TDRD9: variants seen among roughly 807,000 people sequenced by gnomAD.
TDRD9 encodes the protein ATP-dependent RNA helicase TDRD9.
TDRD9 carries 124 observed loss-of-function variants against 172.6 expected under a neutral mutation model. That is an observed-to-expected ratio of 0.72 (90% CI 0.62 to 0.83). The LOEUF (loss-of-function observed/expected upper bound fraction) is 0.83. Ranked by LOEUF, TDRD9 falls within the 40% of genes least tolerant of loss-of-function variation. The probability of loss-of-function intolerance (pLI) is 0.00; values close to 1 mark genes in which losing one functional copy is unlikely to be tolerated. For missense variants in TDRD9, 1,479 were observed against 1,714.1 expected (o/e 0.86, Z 2.42); for synonymous variants, 619 against 617.1 (o/e 1.00, Z -0.05).
intron 9 of TDRD9, 110 bp from the exon 10 acceptor site, chr14:103,994,222 A>G: frequency 1.1e-6 from 1 of 915,470 alleles, no homozygotes; most frequent in Non-Finnish European, 1.8e-6. Context: ...AAGAAGTCAA[A>G]TAAATTGGTA....
chr14:103,982,857 C>T (rs141012914), intron 7 of TDRD9, among the ~76,000 whole-genome samples: 2,508 of 152,184 alleles, frequency 0.016, 71 homozygotes, highest in African/African-American at 0.057. Flanking sequence ...GCCAAGATCA[C>T]GCCCTTGCAC....
chr14:104,019,426 A>C (rs1462487198), intron 23 of TDRD9, among the ~76,000 whole-genome samples: 2 of 152,124 alleles, frequency 1.3e-5, no homozygotes, highest in Non-Finnish European at 2.9e-5. Flanking sequence ...GCAGTGGCAC[A>C]ATCTCGGCTC....
intron 31 of TDRD9, 124 bp downstream of exon 31, chr14:104,034,193 C>CTT: frequency 6.3e-6 from 1 of 158,098 alleles, no homozygotes; most frequent in African/African-American, 3.3e-5. Flanking sequence ...CTTTTTTTTT[C>CTT]TTTTTTTTTT....
rs563201417 is a variant in TDRD9, at chr14:103,935,463, G to A, written c.215+6739G>A. Among the ~76,000 whole-genome samples, 19 of 152,320 alleles carry A rather than the reference G, an allele frequency of 1.2e-4. No homozygotes were observed. The East Asian group carries it at 3.3e-3, about 26-fold the overall frequency. On this transcript the variant is annotated intron_variant, in intron 1 of 35. Transcript: ENST00000409874. ...GGTGTTGCCTTCAGGTAAGGAAGGC[G>A]AGACTGCACGAGGAATTAGTTTGTG...
chr14:104,038,143 C>T (rs933642030), intron 32 of TDRD9, among the ~76,000 whole-genome samples: 2 of 152,118 alleles, frequency 1.3e-5, no homozygotes, highest in Non-Finnish European at 2.9e-5. Context: ...GAGGCTAAGT[C>T]ACGTGTTGAG....
At chr14:103,963,565 G>T (rs28574832) in intron 3 of TDRD9, among the ~76,000 whole-genome samples, 51,528 of 152,016 alleles carry the variant, frequency 0.34, 8,918 homozygotes, top group Middle Eastern at 0.37. Flanking sequence ...CATTTCCACT[G>T]GGTTTTCTTT....
intron 1 of TDRD9, among the ~76,000 whole-genome samples, chr14:103,951,841 A>G (rs1425070089): frequency 6.6e-6 from 1 of 150,660 alleles, no homozygotes; most frequent in Non-Finnish European, 1.5e-5. Context: ...ATCTCGGCTC[A>G]CTGCAAGCTC....
intron 7 of TDRD9, among the ~76,000 whole-genome samples, chr14:103,985,747 C>T (rs532556832): frequency 3.4e-4 from 51 of 152,220 alleles, no homozygotes; most frequent in South Asian, 8.3e-4. Flanking sequence ...ACGGATGTGA[C>T]GTTACAGTTT....
At chr14:104,004,438 T>TG in intron 14 of TDRD9, 103 bp downstream of exon 14, 3 of 599,392 alleles carry the variant, frequency 5.0e-6, no homozygotes, top group Non-Finnish European at 8.7e-6. Context: ...TGGAGTGCAC[T>TG]GGCATGATCT....
chr14:104,023,840 A>G (rs553367270), intron 24 of TDRD9, among the ~76,000 whole-genome samples: 109 of 152,248 alleles, frequency 7.2e-4, no homozygotes, highest in African/African-American at 2.6e-3. Flanking sequence ...CTTCATGTAG[A>G]GAAGGCCTGT....
Position 104,052,024 on chromosome 14 carries a change from G to C in TDRD9, c.4091G>C (p.Ser1364Thr). Residue 1364 changes from serine (S) to threonine (T), a missense_variant, in exon 36 of 36, where the codon AGC becomes ACC. This residue lies in a region of TDRD9 where 1,413 missense variants were observed against 1,649.1 expected (regional missense o/e 0.86). Transcript: ENST00000409874. ...ATGGAGCAGGCCGACCGTGAGAGCA[G>C]CAGAGGGAAGAACACCTTTCTCTAC... is the stretch of plus-strand genomic sequence containing the variant. The part of the protein sequence containing the change: ...LVMEQADRES[S>T]RGKNTFLYQL... 1 of 1,596,964 alleles carries C rather than the reference G, an allele frequency of 6.3e-7. No homozygotes were observed. The highest frequency in any genetic ancestry group is 1.1e-5 in the South Asian group (1 of 87,558).
intron 13 of TDRD9, 145 bp from the exon 14 acceptor site, chr14:104,004,092 TA>T: frequency 4.4e-6 from 2 of 453,642 alleles, no homozygotes; most frequent in Non-Finnish European, 8.1e-6. Context: ...TACACTAATG[TA>T]TTCTAAAGTT....
At chr14:103,993,763 T>C (rs1056350481) in intron 9 of TDRD9, among the ~76,000 whole-genome samples, 2 of 152,222 alleles carry the variant, frequency 1.3e-5, no homozygotes, top group South Asian at 2.1e-4. Flanking sequence ...TCTTAACTAA[T>C]TACATCTGCA....
chr14:104,027,163 G>A (rs1043045627), intron 28 of TDRD9, among the ~76,000 whole-genome samples: 1 of 152,080 alleles, frequency 6.6e-6, no homozygotes, highest in Non-Finnish European at 1.5e-5. Flanking sequence ...GGTGAGTATT[G>A]TATTTGTTTG....
Position 103,970,631 on chromosome 14 carries a change from A to G in TDRD9, c.846+10A>G. The G allele has an allele frequency of 1.3e-6, 2 of 1,525,622 alleles. No individual in the cohort carries two copies. The highest frequency in any genetic ancestry group is 1.8e-6 in the Non-Finnish European group (2 of 1,123,322). 94.5% of individuals were successfully genotyped at this position (1,525,622 alleles called of 1,614,324 possible). On this transcript the variant is annotated intron_variant, in intron 6 of 35. Coordinates refer to ENST00000409874, the MANE Select transcript of TDRD9 (RefSeq NM_153046.3). ...TTCACGTTTTGTGAAGGTAAATTTG[A>G]TTTCATGAGTAACAGACATATTTAG...
At chr14:103,968,957 G>A (rs565467523) in intron 5 of TDRD9, among the ~76,000 whole-genome samples, 120 of 148,654 alleles carry the variant, frequency 8.1e-4, no homozygotes, top group Non-Finnish European at 1.3e-3. Context: ...AAAATTAGCC[G>A]GGCATGGTGG....
chr14:104,027,660 A>G (rs1723171193), intron 28 of TDRD9, among the ~76,000 whole-genome samples: 1 of 152,222 alleles, frequency 6.6e-6, no homozygotes, highest in Admixed American at 6.5e-5. Context: ...AGTGAGGGTA[A>G]TTAGCAAATC....
chr14:103,954,764 G>A (rs2032112665), intron 1 of TDRD9, among the ~76,000 whole-genome samples: 1 of 151,582 alleles, frequency 6.6e-6, no homozygotes, highest in South Asian at 2.1e-4. Context: ...GAGTAGCTGG[G>A]ATTACAGGGA....
intron 1 of TDRD9, among the ~76,000 whole-genome samples, chr14:103,945,988 G>GAGACA (rs1491238165): frequency 7.0e-6 from 1 of 142,518 alleles, no homozygotes; most frequent in Non-Finnish European, 1.5e-5. Context: ...TTCTTTTTTT[G>GAGACA]AGACAAGGTA....
Sources: allele counts gnomAD v4.1 joint callset (sites outside exome capture counted in the v4.1 genomes callset), GRCh38; gene constraint gnomAD v4.1.1; regional missense constraint gnomAD v4.1.1; transcripts MANE v1.5; gene names NCBI Gene and HGNC (gene_info 2026-07-23, HGNC 2026-07-21).